Variants in EXD3 observed in about 807,000 individuals in gnomAD.
EXD3 encodes the protein exonuclease mut-7 homolog.
In EXD3, 92 loss-of-function variants were observed where a neutral mutation model predicts 98.0. The ratio of observed to expected loss-of-function variants is 0.94; its 90% CI spans 0.79 to 1.12. The LOEUF (loss-of-function observed/expected upper bound fraction) is 1.12, where lower values mean the gene tolerates loss of function less well. EXD3 is among the 50% of genes most tolerant of loss of function. The pLI is 0.00. For synonymous variants in EXD3, 569 were observed against 526.0 expected (o/e 1.08, Z -1.12); for missense variants, 1,222 against 1,191.6 (o/e 1.03, Z -0.38).
chr9:137,309,864 C>G lies in EXD3; in HGVS notation c.2185-164G>C, dbSNP rs2046892100. On this transcript the variant is annotated intron_variant, in intron 19 of 21. Transcript: ENST00000340951. Reference sequence around the variant, plus strand: ...CACGCATAGTCCTGTGGGGTTCAGGCCATACCGCCTCCTGGAAGCCCTCCC... The same window carrying G: ...CACGCATAGTCCTGTGGGGTTCAGGGCATACCGCCTCCTGGAAGCCCTCCC... 2.6e-5 allele frequency among the ~76,000 whole-genome samples: 4 copies of G among 152,326 alleles called. No homozygotes were observed. In the South Asian group the frequency reaches 8.3e-4, roughly 32 times the overall value.
At chr9:137,416,953 C>T (rs1210346532) in intron 1 of EXD3, among the ~76,000 whole-genome samples, 1 of 152,214 alleles carries the variant, frequency 6.6e-6, no homozygotes, top group African/African-American at 2.4e-5. Flanking sequence ...CCCCGTTTCC[C>T]GACAGACGCG....
chr9:137,366,049 T>C (rs764149737), intron 7 of EXD3: 42 of 664,538 alleles, frequency 6.3e-5, no homozygotes, highest in South Asian at 4.5e-4. Context: ...TGCACACACA[T>C]GCACATGGCT....
intron 19 of EXD3, among the ~76,000 whole-genome samples, chr9:137,314,369 T>G (rs979600310): frequency 2.0e-5 from 3 of 152,176 alleles, no homozygotes; most frequent in Admixed American, 1.3e-4. Flanking sequence ...CGGCACTGAC[T>G]TTCCACTGGA....
chr9:137,377,592 G>A (rs1221167949), intron 3 of EXD3, among the ~76,000 whole-genome samples: 4 of 150,962 alleles, frequency 2.6e-5, no homozygotes, highest in Admixed American at 6.6e-5. Flanking sequence ...GTGCTGATGC[G>A]CACCTTTAAT....
Position 137,323,810 on chromosome 9 carries a change from G to A in EXD3, c.2099C>T (p.Ser700Phe), listed in dbSNP as rs1488306176. The A allele has an allele frequency of 6.2e-7, 1 of 1,612,258 alleles. No homozygotes were observed. ...GAGRCLSVDC[S>F]LKAQQQAKAV... ...CTTGGCCTGCTGCTGGGCCTTCAGG[G>A]AGCAGTCGACCGAGAGGCAGCGCCC... The change falls in exon 19 of 22, where the codon TCC becomes TTC. Residue 700 changes from serine (S) to phenylalanine (F), a missense_variant. Coordinates refer to ENST00000340951, the MANE Select transcript of EXD3 (RefSeq NM_017820.5).
intron 1 of EXD3, among the ~76,000 whole-genome samples, chr9:137,419,180 T>A (rs1014963734): frequency 6.6e-6 from 1 of 152,232 alleles, no homozygotes. Context: ...TATTAACATA[T>A]GTTCCAAAAT....
At chr9:137,308,864 C>T (rs557531027) in intron 20 of EXD3, among the ~76,000 whole-genome samples, 1 of 152,296 alleles carries the variant, frequency 6.6e-6, no homozygotes, top group East Asian at 1.9e-4. Flanking sequence ...TTGAGATGGT[C>T]TCAATCTCCT....
intron 19 of EXD3, among the ~76,000 whole-genome samples, chr9:137,321,685 C>G (rs1460356924): frequency 6.6e-6 from 1 of 152,040 alleles, no homozygotes; most frequent in African/African-American, 2.4e-5. Context: ...TCCGTCCCAC[C>G]CCCAAAAAAC....
chr9:137,368,443 C>T (rs1835385108), intron 5 of EXD3, among the ~76,000 whole-genome samples: 1 of 152,196 alleles, frequency 6.6e-6, no homozygotes, highest in Non-Finnish European at 1.5e-5. Flanking sequence ...CTCAGCGCAT[C>T]CTGAGGCCTG....
intron 19 of EXD3, among the ~76,000 whole-genome samples, chr9:137,318,992 G>A (rs963523170): frequency 3.3e-5 from 5 of 152,240 alleles, no homozygotes; most frequent in African/African-American, 1.2e-4. Context: ...TTCCCTCCGG[G>A]AACGGCACCA....
intron 2 of EXD3, among the ~76,000 whole-genome samples, chr9:137,387,203 C>T (rs1588402819): frequency 6.6e-6 from 1 of 151,552 alleles, no homozygotes; most frequent in South Asian, 2.1e-4. Context: ...CTGCCCCTGT[C>T]GCTTCACTGT....
In EXD3 at chr9:137,349,244, G is replaced by A; in HGVS notation, c.1696C>T (p.Leu566=). 1 of 1,574,722 alleles carries A rather than the reference G, an allele frequency of 6.4e-7. No individual in the cohort carries two copies. The highest frequency in any genetic ancestry group is 8.6e-7 in the Non-Finnish European group (1 of 1,167,156). The change falls in exon 16 of 22, where the codon CTG becomes TTG. Residue 566 remains leucine, a synonymous_variant. Coordinates refer to ENST00000340951, the MANE Select transcript of EXD3 (RefSeq NM_017820.5). This position sits in a 1 kb window ranked among gnomAD's most constrained non-coding sequence, Gnocchi z 7.4. The stretch of plus-strand genomic sequence containing the variant: ...TGGAAGCGGGCGGGCTCTCTGCACA[G>A]GGCTTGGTGCACCTCCAGCAGGCAG... ...AYCLLEVHQA[L]CREPARFHLS... is the part of the protein sequence containing the mutation.
Position 137,398,460 on chromosome 9 carries a change from G to A in EXD3, c.-47-3056C>T, listed in dbSNP as rs144870610. Among the ~76,000 whole-genome samples, 26 of 152,318 alleles carry A rather than the reference G, an allele frequency of 1.7e-4. 1 individual carries two copies. In the East Asian group the frequency reaches 5.0e-3, roughly 29 times the overall value. Reference sequence around the variant, plus strand: ...GCACCTCAGGCAGAACCGCAAGGGAGGAGCACTGAGTAGCCCTTTGCTTGT... The same window carrying A: ...GCACCTCAGGCAGAACCGCAAGGGAAGAGCACTGAGTAGCCCTTTGCTTGT... On this transcript the variant is annotated intron_variant, in intron 1 of 21. Transcript: ENST00000340951.
chr9:137,411,049 C>T (rs1434875780), intron 1 of EXD3, among the ~76,000 whole-genome samples: 1 of 152,236 alleles, frequency 6.6e-6, no homozygotes, highest in Non-Finnish European at 1.5e-5. Context: ...GCCCTGTGCG[C>T]TGAGCAGGTG....
intron 17 of EXD3, among the ~76,000 whole-genome samples, chr9:137,335,679 AAAAT>A (rs570667391): frequency 0.014 from 2,180 of 152,166 alleles, 32 homozygotes; most frequent in African/African-American, 0.048. Context: ...ACTTCATCTC[AAAAT>A]AAATAAATAA....
chr9:137,354,203 C>CA (rs1282243445), intron 10 of EXD3, 136 bp downstream of exon 10: 30 of 1,469,272 alleles, frequency 2.0e-5, no homozygotes, highest in Non-Finnish European at 2.7e-5. Context: ...CCACACGCCC[C>CA]AACATGGGGT....
intron 5 of EXD3, among the ~76,000 whole-genome samples, chr9:137,370,375 C>G (rs1835526073): frequency 6.6e-6 from 1 of 152,104 alleles, no homozygotes; most frequent in African/African-American, 2.4e-5. Context: ...AGGGAGCAGA[C>G]AGCAGAAGGT....
intron 19 of EXD3, among the ~76,000 whole-genome samples, chr9:137,313,027 G>A (rs1831449533): frequency 6.6e-6 from 1 of 152,202 alleles, no homozygotes; most frequent in Admixed American, 6.5e-5. Context: ...CAGGAGTGGT[G>A]AGGGAGGACT....
In EXD3 at chr9:137,324,162, C is replaced by T. The variant is rs753119922; in HGVS notation, c.1999-19G>A. 6.4e-7 allele frequency: 1 copy of T among 1,565,958 alleles called. No homozygotes were observed. The highest frequency in any genetic ancestry group is 1.2e-5 in the South Asian group (1 of 85,072). ...TGGCAACCTGTGTGGGAGGTGCGAC[C>T]AGCACATAAAGGGGGCAGCTCCGTG... On this transcript the variant is annotated intron_variant, in intron 17 of 21. Transcript: ENST00000340951. This position sits in a 1 kb window ranked among gnomAD's most constrained non-coding sequence, Gnocchi z 4.1.
Sources: allele counts gnomAD v4.1 joint callset (sites outside exome capture counted in the v4.1 genomes callset), GRCh38; gene constraint gnomAD v4.1.1; non-coding constraint Gnocchi (gnomAD v3.1); transcripts MANE v1.5; gene names NCBI Gene and HGNC (gene_info 2026-07-23, HGNC 2026-07-21).